EDDM3B: variants seen among roughly 807,000 people sequenced by gnomAD.
EDDM3B encodes the protein epididymal secretory protein E3-beta.
For synonymous variants in EDDM3B, 71 were observed against 59.1 expected, an observed-to-expected ratio of 1.20 and a Z score of -0.92; for missense variants, 189 against 178.3, an observed-to-expected ratio of 1.06 and a Z score of -0.34.
At chr14:20,768,792 C>G (rs764056) in intron 1 of EDDM3B, among the ~76,000 whole-genome samples, 59,556 of 151,984 alleles carry the variant, frequency 0.39, 11,753 homozygotes, top group East Asian at 0.54. Context: ...AAGTACCGAC[C>G]CTTTGTTCTG....
chr14:20,768,484 C>T lies in EDDM3B; in HGVS notation c.-41C>T, dbSNP rs1878236892. On this transcript the variant is annotated 5_prime_UTR_variant, in exon 1 of 2. Coordinates refer to ENST00000326783, the MANE Select transcript of EDDM3B (RefSeq NM_022360.5). ...CACTGATCCCAACTACAACCAGTGA[C>T]CTGAACTTGGAGTCTGAGTAGGGTA... The T allele has an allele frequency of 6.6e-6, 1 of 152,238 alleles. No homozygotes were observed. The highest frequency in any genetic ancestry group is 2.4e-5 in the African/African-American group (1 of 41,434). 9.4% of individuals were successfully genotyped at this position (152,238 alleles called of 1,614,324 possible). A position where few individuals can be genotyped will look rare whatever the true frequency, so the allele number is the denominator to read the frequency against.
rs887500971 is a variant in EDDM3B, at chr14:20,770,813, C to T, written c.*219C>T. The T allele has an allele frequency of 2.5e-5, 13 of 514,644 alleles. No individual in the cohort carries two copies. The highest frequency in any genetic ancestry group is 2.5e-4 in the African/African-American group (13 of 51,908). The allele number at this position is 514,644 out of a possible 1,614,324, so 31.9% of individuals were successfully genotyped here. A position where few individuals can be genotyped will look rare whatever the true frequency, so the allele number is the denominator to read the frequency against. ...CTTTTGTCTTCATTTACCTAATTTA[C>T]TCTTATACTTTTGTCGACATTCAGC... On this transcript the variant is annotated 3_prime_UTR_variant, in exon 2 of 2. Coordinates refer to ENST00000326783, the MANE Select transcript of EDDM3B (RefSeq NM_022360.5).
At chr14:20,770,103 CT>C in intron 1 of EDDM3B, 29 bp from the exon 2 acceptor site, 1 of 1,525,592 alleles carries the variant, frequency 6.6e-7, no homozygotes. Flanking sequence ...CTGGATAATG[CT>C]TTTCTTTCTC....
rs28731276 is a variant in EDDM3B at position 20,770,419 on chromosome 14, G to A, written c.269G>A (p.Arg90Gln). Reference protein sequence around the residue: ...CTSDNWMDRFRNAYVWVQNPL... With the variant: ...CTSDNWMDRFQNAYVWVQNPL... ...AGTGACAACTGGATGGATCGCTTCC[G>A]AAATGCATATGTATGGGTCCAGAAT... Residue 90 changes from arginine (R) to glutamine (Q), a missense_variant, in exon 2 of 2, where the codon CGA becomes CAA. By Grantham distance (43) the Arg-to-Gln change is conservative (BLOSUM62 1). Coordinates refer to ENST00000326783, the MANE Select transcript of EDDM3B (RefSeq NM_022360.5). The A allele has an allele frequency of 9.7e-4, 1,569 of 1,614,142 alleles. 13 individuals are homozygous for A. In the African/African-American group the frequency reaches 0.016, roughly 17 times the overall value.
In EDDM3B at chr14:20,770,672, C is replaced by G; in HGVS notation, c.*78C>G. 9.3e-7 allele frequency: 1 copy of G among 1,078,566 alleles called. No homozygotes were observed. 66.8% of individuals were successfully genotyped at this position (1,078,566 alleles called of 1,614,324 possible). A position where few individuals can be genotyped will look rare whatever the true frequency, so the allele number is the denominator to read the frequency against. On this transcript the variant is annotated 3_prime_UTR_variant, in exon 2 of 2. Coordinates refer to ENST00000326783, the MANE Select transcript of EDDM3B (RefSeq NM_022360.5). ...AGCAGCCCCTGCCTCCATCAATAGTCCTACCACTCCCCTCTTGCATTTATT... is the reference window on the plus strand; with the variant it reads ...AGCAGCCCCTGCCTCCATCAATAGTGCTACCACTCCCCTCTTGCATTTATT...
rs2138553690 is a variant in EDDM3B, at chr14:20,770,577, G to A, written c.427G>A (p.Glu143Lys). The stretch of plus-strand genomic sequence containing the variant: ...TAGCATAGAAGACCTAAAGATGGTA[G>A]AACCTATCGGCAACTAGAAAGTCTA... Reference protein sequence around the residue: ...VDSIEDLKMVEPIGN With the variant: ...VDSIEDLKMVKPIGN The change falls in exon 2 of 2, where the codon GAA (glutamate) becomes AAA (lysine). Residue 143 changes from glutamate (E) to lysine (K), a missense_variant. Transcript: ENST00000326783. 6.2e-7 allele frequency: 1 copy of A among 1,611,468 alleles called. No individual in the cohort carries two copies. The highest frequency in any genetic ancestry group is 8.5e-7 in the Non-Finnish European group (1 of 1,178,608).
chr14:20,769,782 C>G (rs1262990603), intron 1 of EDDM3B, among the ~76,000 whole-genome samples: 9 of 152,182 alleles, frequency 5.9e-5, no homozygotes, highest in Admixed American at 2.6e-4. Flanking sequence ...ATATCATTCT[C>G]TTTTGGACAC....
In EDDM3B at chr14:20,770,566, T is replaced by C; in HGVS notation, c.416T>C (p.Leu139Pro). ...GGGTATGTTGATAGCATAGAAGACCTAAAGATGGTAGAACCTATCGGCAAC... is the reference window on the plus strand; with the variant it reads ...GGGTATGTTGATAGCATAGAAGACCCAAAGATGGTAGAACCTATCGGCAAC... ...MDGYVDSIED[L>P]KMVEPIGN Residue 139 changes from leucine to proline, a missense_variant, in exon 2 of 2, where the codon CTA (leucine) becomes CCA (proline). Transcript: ENST00000326783. The C allele has an allele frequency of 1.9e-6, 3 of 1,613,650 alleles. No individual in the cohort carries two copies. The highest frequency in any genetic ancestry group is 2.5e-6 in the Non-Finnish European group (3 of 1,179,824).
chr14:20,770,459 C>G lies in EDDM3B; in HGVS notation c.309C>G (p.Leu103=), dbSNP rs372619111. 2.5e-6 allele frequency: 4 copies of G among 1,614,158 alleles called. No individual in the cohort carries two copies. The highest frequency in any genetic ancestry group is 3.4e-6 in the Non-Finnish European group (4 of 1,180,036). The change falls in exon 2 of 2, where the codon CTC becomes CTG. Residue 103 remains leucine, a synonymous_variant. Transcript: ENST00000326783. The part of the protein sequence containing the change: ...YVWVQNPLKV[L]KCHQENSKNS... ...GGGTCCAGAATCCTCTCAAAGTACT[C>G]AAGTGTCACCAGGAGAATTCCAAAA...
chr14:20,769,463 G>A (rs1454836048), intron 1 of EDDM3B, among the ~76,000 whole-genome samples: 1 of 152,156 alleles, frequency 6.6e-6, no homozygotes, highest in Non-Finnish European at 1.5e-5. Flanking sequence ...TTTTCAAGGA[G>A]CAGCTCTGAC....
chr14:20,769,255 G>A (rs1046631530), intron 1 of EDDM3B, among the ~76,000 whole-genome samples: 4 of 152,168 alleles, frequency 2.6e-5, no homozygotes, highest in African/African-American at 9.7e-5. Flanking sequence ...ACAAAAATTA[G>A]CTGTGTGTGG....
Position 20,770,433 on chromosome 14 carries a change from T to C in EDDM3B, c.283T>C (p.Trp95Arg), listed in dbSNP as rs1431246179. The C allele has an allele frequency of 5.0e-6, 8 of 1,614,092 alleles. No individual in the cohort carries two copies. Among genetic ancestry groups the C allele is most frequent in the Non-Finnish European group, 4.2e-6 (5 of 1,180,046 alleles). Residue 95 changes from tryptophan to arginine, a missense_variant, in exon 2 of 2, where the codon TGG becomes CGG. By Grantham distance (101) the Trp-to-Arg change is moderately radical. Transcript: ENST00000326783. ...WMDRFRNAYVWVQNPLKVLKC... is the reference protein window; with the variant it reads ...WMDRFRNAYVRVQNPLKVLKC... ...GGATCGCTTCCGAAATGCATATGTA[T>C]GGGTCCAGAATCCTCTCAAAGTACT...
intron 1 of EDDM3B, among the ~76,000 whole-genome samples, chr14:20,768,912 A>G (rs72666887): frequency 0.036 from 5,438 of 152,294 alleles, 121 homozygotes; most frequent in Middle Eastern, 0.062. Context: ...GAGGACACCA[A>G]TGCTCAGAGT....
chr14:20,770,736 T>G lies in EDDM3B; in HGVS notation c.*142T>G. On this transcript the variant is annotated 3_prime_UTR_variant, in exon 2 of 2. Coordinates refer to ENST00000326783, the MANE Select transcript of EDDM3B (RefSeq NM_022360.5). ...CAAATACTTAGAGTTATGAATAGCA[T>G]AATTTCTTGATACCATAACTTTGCC... is the stretch of plus-strand genomic sequence containing the variant. 1 of 678,366 alleles carries G rather than the reference T, an allele frequency of 1.5e-6. No homozygotes were observed. Among genetic ancestry groups the G allele is most frequent in the Non-Finnish European group, 2.5e-6 (1 of 405,314 alleles). 42.0% of individuals were successfully genotyped at this position (678,366 alleles called of 1,614,324 possible).
chr14:20,770,197 G>A lies in EDDM3B; in HGVS notation c.47G>A (p.Cys16Tyr), dbSNP rs563985489. 2 of 1,614,074 alleles carry A rather than the reference G, an allele frequency of 1.2e-6. 1 individual carries two copies. Among genetic ancestry groups the A allele is most frequent in the Admixed American group, 3.3e-5 (2 of 60,012 alleles). Residue 16 changes from cysteine (C) to tyrosine (Y), a missense_variant, in exon 2 of 2, where the codon TGC becomes TAC. Physicochemically the swap from Cys to Tyr is radical, Grantham distance 194. Transcript: ENST00000326783. ...KIWGTLLALL[C>Y]ILCTLLVQSK... ...TGGGGCACACTCTTGGCCCTACTTT[G>A]CATCCTATGCACACTGCTTGTACAG...
intron 1 of EDDM3B, among the ~76,000 whole-genome samples, chr14:20,769,394 T>C (rs572667247): frequency 1.1e-4 from 17 of 152,288 alleles, no homozygotes; most frequent in Admixed American, 1.0e-3. Flanking sequence ...AGTGAGACTC[T>C]GTCTCAAAAA....
rs569294396 is a variant in EDDM3B, at chr14:20,770,672, C to A, written c.*78C>A. Reference sequence around the variant, plus strand: ...AGCAGCCCCTGCCTCCATCAATAGTCCTACCACTCCCCTCTTGCATTTATT... The same window carrying A: ...AGCAGCCCCTGCCTCCATCAATAGTACTACCACTCCCCTCTTGCATTTATT... On this transcript the variant is annotated 3_prime_UTR_variant, in exon 2 of 2. Coordinates refer to ENST00000326783, the MANE Select transcript of EDDM3B (RefSeq NM_022360.5). 8 of 1,078,562 alleles carry A rather than the reference C, an allele frequency of 7.4e-6. No homozygotes were observed. Among genetic ancestry groups the A allele is most frequent in the Non-Finnish European group, 1.1e-5 (8 of 741,032 alleles). 66.8% of individuals were successfully genotyped at this position (1,078,562 alleles called of 1,614,324 possible). A position where few individuals can be genotyped will look rare whatever the true frequency, so the allele number is the denominator to read the frequency against.
At position 20,770,717 on chromosome 14, in the gene EDDM3B, C is replaced by G; in HGVS notation, c.*123C>G. The G allele has an allele frequency of 7.6e-6, 6 of 785,202 alleles. No homozygotes were observed. The highest frequency in any genetic ancestry group is 2.7e-5 in the East Asian group (1 of 37,266). The allele number at this position is 785,202 out of a possible 1,614,324, so 48.6% of individuals were successfully genotyped here. A position where few individuals can be genotyped will look rare whatever the true frequency, so the allele number is the denominator to read the frequency against. The stretch of plus-strand genomic sequence containing the variant: ...TTTATTTGTCAATGTTTTCCAAATA[C>G]TTAGAGTTATGAATAGCATAATTTC... On this transcript the variant is annotated 3_prime_UTR_variant, in exon 2 of 2. Coordinates refer to ENST00000326783, the MANE Select transcript of EDDM3B (RefSeq NM_022360.5).
rs2071843361 is a variant in EDDM3B at position 20,770,338 on chromosome 14, A to G, written c.188A>G (p.Lys63Arg). 2 of 1,614,130 alleles carry G rather than the reference A, an allele frequency of 1.2e-6. No homozygotes were observed. Among genetic ancestry groups the G allele is most frequent in the African/African-American group, 2.7e-5 (2 of 74,954 alleles). ...LMRENEALKD[K>R]SSHMFIYISW... Reference sequence around the variant, plus strand: ...AGAGAAAATGAAGCTCTGAAAGACAAGAGCTCTCACATGTTTATCTATATC... The same window carrying G: ...AGAGAAAATGAAGCTCTGAAAGACAGGAGCTCTCACATGTTTATCTATATC... Residue 63 changes from lysine (K) to arginine (R), a missense_variant, in exon 2 of 2, where the codon AAG becomes AGG. Transcript: ENST00000326783.
Sources: allele counts gnomAD v4.1 joint callset (sites outside exome capture counted in the v4.1 genomes callset), GRCh38; gene constraint gnomAD v4.1.1; transcripts MANE v1.5; gene names NCBI Gene and HGNC (gene_info 2026-07-23, HGNC 2026-07-21).